Variants in CHD1L observed in about 807,000 individuals in gnomAD.
CHD1L encodes chromodomain helicase DNA binding protein 1 like, also known as ATP-dependent chromatin remodeler CHD1L.
A neutral mutation model predicts 115.9 loss-of-function variants in CHD1L; 118 were observed. That is an observed-to-expected ratio of 1.02 (90% CI 0.88 to 1.19). The LOEUF (loss-of-function observed/expected upper bound fraction) is 1.19. Among genes scored for constraint, CHD1L ranks in the 50% most tolerant of loss-of-function variants. The pLI, the probability that CHD1L is intolerant of heterozygous loss-of-function variation, is 0.00. For missense variants in CHD1L, 1,179 were observed against 1,065.3 expected, an observed-to-expected ratio of 1.11 and a Z score of -1.49; for synonymous variants, 411 against 387.1, an observed-to-expected ratio of 1.06 and a Z score of -0.72.
At chr1:147,218,673 A>G in the CHD1L span, among the ~76,000 whole-genome samples, 1 of 152,172 alleles carries the variant, frequency 6.6e-6, no homozygotes, top group African/African-American at 2.4e-5. Context: ...AATTTAGCAC[A>G]TTTCACAATC....
the CHD1L span, among the ~76,000 whole-genome samples, chr1:147,216,976 C>T: frequency 1.3e-5 from 2 of 152,212 alleles, no homozygotes; most frequent in African/African-American, 4.8e-5. Flanking sequence ...CGTGGTGGCT[C>T]ATGCCTGTAA....
upstream of CHD1L, among the ~76,000 whole-genome samples, chr1:147,238,093 T>A (rs1664642295): frequency 6.6e-6 from 1 of 152,346 alleles, no homozygotes; most frequent in Non-Finnish European, 1.5e-5. Flanking sequence ...TTATTACATG[T>A]TATTTCATGA....
the CHD1L span, chr1:147,208,880 C>G: frequency 6.2e-7 from 1 of 1,614,102 alleles, no homozygotes; most frequent in South Asian, 1.1e-5. Context: ...CCAAACATTT[C>G]ATGGTCAAAC....
chr1:147,273,097 G>A (rs1676911176), intron 12 of CHD1L, among the ~76,000 whole-genome samples: 1 of 152,066 alleles, frequency 6.6e-6, no homozygotes, highest in Admixed American at 6.6e-5. Context: ...CAACTACTAC[G>A]GAGGCTGAGG....
At chr1:147,187,132 G>T in the CHD1L span, 1 of 1,614,118 alleles carries the variant, frequency 6.2e-7, no homozygotes, top group East Asian at 2.2e-5. Flanking sequence ...TGCCAGCTTG[G>T]GGTCAGTGAA....
the CHD1L span, among the ~76,000 whole-genome samples, chr1:147,222,608 C>A: frequency 2.0e-5 from 3 of 152,190 alleles, no homozygotes; most frequent in Non-Finnish European, 4.4e-5. Context: ...AGAATACATG[C>A]TTGGCTCTAG....
At chr1:147,218,483 G>A in the CHD1L span, among the ~76,000 whole-genome samples, 29 of 151,876 alleles carry the variant, frequency 1.9e-4, no homozygotes, top group Non-Finnish European at 3.2e-4. Flanking sequence ...TGATCCGCCC[G>A]CCTCAGCCTC....
At chr1:147,208,989 AG>A in the CHD1L span, 1 of 1,614,038 alleles carries the variant, frequency 6.2e-7, no homozygotes, top group African/African-American at 1.3e-5. Flanking sequence ...ACACATCAGC[AG>A]GATATCCGTA....
intron 6 of CHD1L, among the ~76,000 whole-genome samples, chr1:147,264,131 TATTAA>T (rs1158347630): frequency 6.6e-6 from 1 of 152,186 alleles, no homozygotes; most frequent in Non-Finnish European, 1.5e-5. Flanking sequence ...ATAACAGCCA[TATTAA>T]ATTCTCATGC....
At chr1:147,180,503 G>T in the CHD1L span, among the ~76,000 whole-genome samples, 9 of 152,310 alleles carry the variant, frequency 5.9e-5, no homozygotes, top group Admixed American at 5.2e-4. Flanking sequence ...ATTCCGGCCA[G>T]GATGGTTTCG....
chr1:147,276,849 T>G (rs957110937), intron 14 of CHD1L, among the ~76,000 whole-genome samples: 1 of 152,154 alleles, frequency 6.6e-6, no homozygotes, highest in Non-Finnish European at 1.5e-5. Flanking sequence ...CTCATAATAT[T>G]TCCTGGATGC....
Position 147,264,436 on chromosome 1 carries a change from C to T in CHD1L, c.591C>T (p.Phe197=), listed in dbSNP as rs1553946459. The T allele has an allele frequency of 1.2e-6, 2 of 1,609,312 alleles. No homozygotes were observed. Among genetic ancestry groups the T allele is most frequent in the African/African-American group, 1.3e-5 (1 of 74,820 alleles). Residue 197 remains phenylalanine, a synonymous_variant, in exon 7 of 23, where the codon TTC becomes TTT. Coordinates refer to ENST00000369258, the MANE Select transcript of CHD1L (RefSeq NM_004284.6). The stretch of plus-strand genomic sequence containing the variant: ...ATGTATTTGAGTTCTCAGTAGTCTT[C>T]AGTCTCCTGTTGACCGGAACTCCCA... ...HKTLSEFSVV[F]SLLLTGTPIQ...
At chr1:147,212,507 G>T in the CHD1L span, 7 of 1,613,824 alleles carry the variant, frequency 4.3e-6, no homozygotes, top group Middle Eastern at 1.6e-4. Context: ...CTCGACTGTG[G>T]AAGTACTGCC....
chr1:147,178,061 C>G, the CHD1L span: 8 of 1,007,222 alleles, frequency 7.9e-6, no homozygotes, highest in African/African-American at 8.4e-5. Flanking sequence ...CCGACCGCCG[C>G]AGTCCCAGTC....
At chr1:147,207,143 A>G in the CHD1L span, among the ~76,000 whole-genome samples, 1 of 152,166 alleles carries the variant, frequency 6.6e-6, no homozygotes, top group Admixed American at 6.5e-5. Context: ...ATGGTTATGT[A>G]GGAGAATGCC....
At chr1:147,246,652 C>G (rs1666711118) in intron 1 of CHD1L, among the ~76,000 whole-genome samples, 1 of 152,144 alleles carries the variant, frequency 6.6e-6, no homozygotes, top group African/African-American at 2.4e-5. Flanking sequence ...TCCCTATTGG[C>G]TAATGAAATA....
chr1:147,291,376 G>A (rs1553970329), intron 19 of CHD1L, 106 bp from the exon 20 acceptor site: 1 of 890,854 alleles, frequency 1.1e-6, no homozygotes, highest in East Asian at 2.4e-5. Flanking sequence ...GTGTAGGAAG[G>A]TGGGTCCTGA....
At chr1:147,198,364 A>G in the CHD1L span, among the ~76,000 whole-genome samples, 4 of 152,152 alleles carry the variant, frequency 2.6e-5, no homozygotes, top group Non-Finnish European at 4.4e-5. Context: ...CTATCACTAT[A>G]TTACAAAGGG....
At chr1:147,293,089 CTG>C (rs1475504210) in intron 20 of CHD1L, among the ~76,000 whole-genome samples, 1 of 152,158 alleles carries the variant, frequency 6.6e-6, no homozygotes, top group Admixed American at 6.5e-5. Context: ...TATGATATGA[CTG>C]TGGTGATGTC....
Sources: gnomAD v4.1 joint callset for allele counts (sites outside exome capture counted in the v4.1 genomes callset) on GRCh38, gnomAD v4.1.1 for gene constraint, MANE v1.5 for transcripts, NCBI Gene and HGNC (gene_info 2026-07-23, HGNC 2026-07-21) for gene names.